The following MYL5 variants were observed in gnomAD, a reference collection of about 807,000 sequenced individuals.
MYL5 encodes the protein myosin regulatory light chain 5.
In MYL5, 28 loss-of-function variants were observed where a neutral mutation model predicts 20.8. That is an observed-to-expected ratio of 1.35 (90% CI 1.00 to 1.84). The LOEUF (loss-of-function observed/expected upper bound fraction) is 1.84. MYL5 is among the 40% of genes most tolerant of loss of function. The pLI is 0.00. For missense variants in MYL5, 274 were observed against 227.3 expected (o/e 1.21, Z -1.32); for synonymous variants, 118 against 87.4 (o/e 1.35, Z -1.95).
intron 5 of MYL5, 137 bp downstream of exon 7, chr4:680,724 G>C: frequency 1.1e-6 from 1 of 886,342 alleles, no homozygotes; most frequent in Non-Finnish European, 1.7e-6. Flanking sequence ...CATGAGGAGC[G>C]AACCCAGGAT....
chr4:678,104 G>C (rs369141276), intron 1 of MYL5, 75 bp downstream of exon 3: 1 of 1,582,990 alleles, frequency 6.3e-7, no homozygotes, highest in African/African-American at 1.5e-5. Context: ...CATGCGCACA[G>C]ACGAGCGTGG....
intron 3 of MYL5, 141 bp from the exon 6 acceptor site, chr4:679,773 C>T (rs1739256731): frequency 4.5e-6 from 3 of 670,780 alleles, no homozygotes; most frequent in Non-Finnish European, 7.9e-6. Context: ...CCCACTGCCC[C>T]ACGTGCCTGG....
In MYL5 at chr4:680,478, C is replaced by T. The variant is rs10023220; in HGVS notation, c.293-31C>T. The T allele has an allele frequency of 2.6e-3, 4,110 of 1,610,930 alleles. 82 individuals are homozygous for T. In the African/African-American group the frequency reaches 0.047, roughly 19 times the overall value. Reference sequence around the variant, plus strand: ...GGCAGCCACGGGACTGCCACCCTGACGGCCCTGGGCTGAAGGTGCCTTTGT... The same window carrying T: ...GGCAGCCACGGGACTGCCACCCTGATGGCCCTGGGCTGAAGGTGCCTTTGT... On this transcript the variant is annotated intron_variant, in intron 4 of 6. Coordinates refer to ENST00000400159, the Ensembl canonical transcript of MYL5.
chr4:681,965 A>C (rs763895829), exon 7 of MYL5: 2 of 1,373,052 alleles, frequency 1.5e-6, no homozygotes, highest in South Asian at 3.7e-5. Context: ...CAGCTACGTG[A>C]TCACCCACGG....
intron 5 of MYL5, 143 bp downstream of exon 7, chr4:680,730 A>G: frequency 1.2e-6 from 1 of 848,570 alleles, no homozygotes; most frequent in Non-Finnish European, 1.8e-6. Flanking sequence ...GAGCGAACCC[A>G]GGATCCCAGC....
At position 681,908 on chromosome 4, in the gene MYL5, C is replaced by T. The variant is rs376242008; in HGVS notation, c.436C>T (p.Gln146Ter). Residue 146 changes from glutamine to a stop codon, truncating the protein, a stop_gained, in exon 7 of 7, where the codon CAG becomes TAG. Transcript: ENST00000400159. LOFTEE classifies it low-confidence loss of function (END_TRUNC). ...CCGCCCGCAGGTGGACCAGATGTTCCAGTTCGCCTCCATCGATGTGGCGGG... is the reference window on the plus strand; with the variant it reads ...CCGCCCGCAGGTGGACCAGATGTTCTAGTTCGCCTCCATCGATGTGGCGGG... 1.1e-5 allele frequency: 14 copies of T among 1,317,630 alleles called. No homozygotes were observed. In the Middle Eastern group the frequency reaches 8.2e-4, roughly 77 times the overall value. The allele number at this position is 1,317,630 out of a possible 1,614,324, so 81.6% of individuals were successfully genotyped here.
intron 2 of MYL5, 70 bp from the exon 5 acceptor site, chr4:678,888 A>G: frequency 6.2e-7 from 1 of 1,609,490 alleles, no homozygotes; most frequent in African/African-American, 1.3e-5. Flanking sequence ...GGTGCTGAGG[A>G]ACCGGGAGCA....
upstream of MYL5, chr4:674,961 G>A (rs935489062): frequency 2.0e-5 from 3 of 152,692 alleles, no homozygotes; most frequent in Non-Finnish European, 4.4e-5. Flanking sequence ...CTCACCCCAG[G>A]ATGCCCCATC....
At chr4:674,570 T>G, upstream of MYL5, 1 of 428,000 alleles carries the variant, frequency 2.3e-6, no homozygotes, top group Non-Finnish European at 4.2e-6. Flanking sequence ...GGGTCCGCTG[T>G]TTCCCCGCGC....
intron 5 of MYL5, chr4:680,878 C>A: frequency 1.5e-6 from 1 of 649,334 alleles, no homozygotes; most frequent in African/African-American, 1.8e-5. Flanking sequence ...GGCCTGTAAC[C>A]TCCTTCCGGC....
At chr4:680,650 C>T (rs1174448156) in intron 5 of MYL5, 63 bp downstream of exon 7, 1 of 1,537,770 alleles carries the variant, frequency 6.5e-7, no homozygotes, top group Non-Finnish European at 8.9e-7. Context: ...TCATCCTGTC[C>T]CAAAAGGGAC....
At chr4:678,572 CTGAGT>C in intron 1 of MYL5, 81 bp from the exon 4 acceptor site, 1 of 1,520,766 alleles carries the variant, frequency 6.6e-7, no homozygotes. Context: ...CACCCTTCAT[CTGAGT>C]TAAGTCTCTC....
At chr4:681,822 G>A (rs1739703320) in intron 6 of MYL5, 71 bp from the exon 9 acceptor site, 3 of 1,267,988 alleles carry the variant, frequency 2.4e-6, no homozygotes, top group Non-Finnish European at 3.0e-6. Flanking sequence ...ACCACACCCG[G>A]GGCCGCTGCA....
At chr4:677,628 G>A (rs1738980083), upstream of MYL5, among the ~76,000 whole-genome samples, 2 of 152,234 alleles carry the variant, frequency 1.3e-5, no homozygotes, top group African/African-American at 4.8e-5. Flanking sequence ...CAGCAGCGTT[G>A]TGCAAATCTA....
At chr4:678,532 T>A (rs1375411721) in intron 1 of MYL5, 126 bp from the exon 4 acceptor site, 2 of 1,462,766 alleles carry the variant, frequency 1.4e-6, no homozygotes, top group African/African-American at 2.9e-5. Flanking sequence ...CTCAGCTGTC[T>A]GGCCCCCTCC....
chr4:680,962 C>T (rs750305475), intron 5 of MYL5, 130 bp from the exon 8 acceptor site: 17 of 1,058,426 alleles, frequency 1.6e-5, no homozygotes, highest in Non-Finnish European at 2.1e-5. Context: ...GCCCCAGGGC[C>T]ACACTCCAGC....
chr4:678,560 T>G (rs1333112156), intron 1 of MYL5, 98 bp from the exon 4 acceptor site: 2 of 1,502,008 alleles, frequency 1.3e-6, no homozygotes, highest in East Asian at 4.9e-5. Context: ...AGGGCTGAGG[T>G]CCACCCTTCA....
chr4:675,254 G>C (rs948198362), upstream of MYL5: 1 of 152,392 alleles, frequency 6.6e-6, no homozygotes, highest in African/African-American at 2.4e-5. Flanking sequence ...ATGGACACCA[G>C]GCTTGGAGTC....
upstream of MYL5, chr4:676,589 T>C (rs1738862155): frequency 6.6e-6 from 1 of 152,244 alleles, no homozygotes; most frequent in South Asian, 2.1e-4. Context: ...TTTAGCACTG[T>C]GCTCAGACTC....
Sources: gnomAD v4.1 joint callset for allele counts (sites outside exome capture counted in the v4.1 genomes callset) on GRCh38, gnomAD v4.1.1 for gene constraint, MANE v1.5 for transcripts, NCBI Gene and HGNC (gene_info 2026-07-23, HGNC 2026-07-21) for gene names.